SOX5: variants seen among roughly 807,000 people sequenced by gnomAD.
SOX5 encodes transcription factor SOX-5.
Under a neutral mutation model 92.0 loss-of-function variants are expected in SOX5, and 9 were observed. The observed-to-expected ratio is 0.10, with a 90% CI of 0.06 to 0.17. The LOEUF (loss-of-function observed/expected upper bound fraction) is 0.17, where lower values mean the gene tolerates loss of function less well. Ranked by LOEUF, SOX5 falls within the 10% of genes least tolerant of loss-of-function variation. The pLI is 1.00. For synonymous variants in SOX5, 344 were observed against 336.3 expected (o/e 1.02, Z -0.25); for missense variants, 642 against 944.5 (o/e 0.68, Z 4.20).
rs139916373 is a variant in SOX5, at chr12:23,622,468, T to C, written c.1018-17935A>G. ...TCTGATCCTACACTTCAATGGTTGG[T>C]TGATATCAGTATGTGAACTCCAAAC... is the stretch of plus-strand genomic sequence containing the variant. On this transcript the variant is annotated intron_variant, in intron 8 of 14. Coordinates refer to ENST00000451604, the MANE Select transcript of SOX5 (RefSeq NM_006940.6). Among the ~76,000 whole-genome samples, 1,422 of 152,254 alleles carry C rather than the reference T, an allele frequency of 9.3e-3. 16 individuals carry two copies. Among genetic ancestry groups the C allele is most frequent in the African/African-American group, 0.032 (1,340 of 41,554 alleles).
Position 24,413,082 on chromosome 12 carries a change from T to C in SOX5, c.-250-44443A>G, listed in dbSNP as rs181450141. On this transcript the variant is annotated intron_variant, in intron 1 of 4. Transcript: ENST00000446891. The stretch of plus-strand genomic sequence containing the variant: ...AGTTAGATTTTCTTGGTTACCAACG[T>C]TGAGGTTCCTCTATATCTTTGCTGA... 1.7e-4 allele frequency among the ~76,000 whole-genome samples: 26 copies of C among 152,364 alleles called. No homozygotes were observed. In the East Asian group the frequency reaches 5.0e-3, roughly 29 times the overall value.
intron 4 of SOX5, among the ~76,000 whole-genome samples, chr12:24,014,773 A>G (rs1953379357): frequency 6.6e-6 from 1 of 152,208 alleles, no homozygotes; most frequent in South Asian, 2.1e-4. Context: ...ATTATTTAGT[A>G]TGAAATTTTA....
chr12:24,123,454 T>A (rs1297073218), intron 4 of SOX5, among the ~76,000 whole-genome samples: 6 of 152,212 alleles, frequency 3.9e-5, no homozygotes, highest in Non-Finnish European at 7.3e-5. Context: ...CAGGAACATT[T>A]TTATAGAAAA....
At chr12:23,635,235 C>G (rs2079069750) in intron 8 of SOX5, among the ~76,000 whole-genome samples, 1 of 152,028 alleles carries the variant, frequency 6.6e-6, no homozygotes, top group Admixed American at 6.6e-5. Flanking sequence ...GGGGTTATTT[C>G]CTGGGGTTAT....
chr12:24,388,586 GTTTGT>G (rs1958661006), intron 1 of SOX5, among the ~76,000 whole-genome samples: 1 of 151,992 alleles, frequency 6.6e-6, no homozygotes, highest in Admixed American at 6.6e-5. Flanking sequence ...ATTCTCCTTG[GTTTGT>G]TTTCTTTAAA....
At chr12:23,604,250 G>A in intron 9 of SOX5, 137 bp downstream of exon 9, 1 of 761,234 alleles carries the variant, frequency 1.3e-6, no homozygotes, top group South Asian at 1.7e-5. Flanking sequence ...ATGCACACCT[G>A]TTGCCCTTAC....
chr12:24,298,561 C>T (rs1223036038), intron 2 of SOX5, among the ~76,000 whole-genome samples: 1 of 152,008 alleles, frequency 6.6e-6, no homozygotes, highest in African/African-American at 2.4e-5. Context: ...ATGTTATACT[C>T]AAATACTATA....
chr12:23,681,949 A>G (rs973873246), intron 6 of SOX5, among the ~76,000 whole-genome samples: 8 of 151,896 alleles, frequency 5.3e-5, no homozygotes, highest in Admixed American at 2.0e-4. Context: ...AAAAATTTAG[A>G]GAACTACAAG....
At chr12:23,744,994 T>C (rs975948221) in intron 4 of SOX5, among the ~76,000 whole-genome samples, 1 of 152,194 alleles carries the variant, frequency 6.6e-6, no homozygotes, top group Non-Finnish European at 1.5e-5. Context: ...CTTATAAAGA[T>C]ACCAGTCATC....
chr12:24,524,752 G>GGGTT, intron 1 of SOX5, among the ~76,000 whole-genome samples: 1 of 152,244 alleles, frequency 6.6e-6, no homozygotes, highest in East Asian at 1.9e-4. Context: ...ATAAAAAATA[G>GGGTT]TACATCATGC....
chr12:23,855,479 A>G (rs953006157), intron 2 of SOX5, among the ~76,000 whole-genome samples: 3 of 152,056 alleles, frequency 2.0e-5, no homozygotes, highest in Non-Finnish European at 4.4e-5. Flanking sequence ...TGAAAGTTTG[A>G]AAAAAATGAA....
chr12:23,649,578 C>T (rs2081296556), intron 7 of SOX5, among the ~76,000 whole-genome samples: 1 of 152,062 alleles, frequency 6.6e-6, no homozygotes, highest in Non-Finnish European at 1.5e-5. Context: ...TATTTCAAGA[C>T]CAAGCATGGA....
intron 3 of SOX5, among the ~76,000 whole-genome samples, chr12:23,764,626 C>T (rs1355971474): frequency 2.0e-5 from 3 of 152,074 alleles, no homozygotes; most frequent in Non-Finnish European, 4.4e-5. Context: ...AGTGAATTCA[C>T]ATAATCACTT....
intron 1 of SOX5, among the ~76,000 whole-genome samples, chr12:24,495,674 G>A (rs1256593200): frequency 1.3e-5 from 2 of 152,096 alleles, no homozygotes; most frequent in Non-Finnish European, 2.9e-5. Context: ...TAAAGAAAGC[G>A]TTTTAAGTTG....
chr12:24,160,936 T>G (rs1952691749), intron 4 of SOX5, among the ~76,000 whole-genome samples: 1 of 152,078 alleles, frequency 6.6e-6, no homozygotes, highest in South Asian at 2.1e-4. Flanking sequence ...AGCTTTAAAA[T>G]TAACAGAGTA....
intron 2 of SOX5, among the ~76,000 whole-genome samples, chr12:24,287,841 G>C (rs1946093052): frequency 6.6e-6 from 1 of 151,830 alleles, no homozygotes; most frequent in African/African-American, 2.4e-5. Context: ...ATTCTTACGA[G>C]ACCCCAAATC....
chr12:24,172,051 T>C (rs980384914), intron 4 of SOX5, among the ~76,000 whole-genome samples: 3 of 151,372 alleles, frequency 2.0e-5, no homozygotes, highest in Non-Finnish European at 4.4e-5. Context: ...TGAGGGATAA[T>C]GTACTATGGC....
chr12:23,582,365 G>A lies in SOX5; in HGVS notation c.1165-6527C>T, dbSNP rs527801114. ...TGTACCTGCTGAGCAGAACTTAAAG[G>A]AGAAAAGGTTTATATTTACGTGCAA... On this transcript the variant is annotated intron_variant, in intron 9 of 14. Transcript: ENST00000451604. 29 of 787,450 alleles carry A rather than the reference G, an allele frequency of 3.7e-5. No individual in the cohort carries two copies. In the African/African-American group the frequency reaches 5.4e-4, roughly 15 times the overall value. The allele number at this position is 787,450 out of a possible 1,614,324, so 48.8% of individuals were successfully genotyped here.
intron 1 of SOX5, among the ~76,000 whole-genome samples, chr12:24,548,864 G>A (rs1405709204): frequency 6.6e-6 from 1 of 152,024 alleles, no homozygotes; most frequent in Admixed American, 6.5e-5. Context: ...AAATTTTATT[G>A]TCCTGAGAAA....
Sources: allele counts gnomAD v4.1 joint callset (sites outside exome capture counted in the v4.1 genomes callset), GRCh38; gene constraint gnomAD v4.1.1; transcripts MANE v1.5; gene names NCBI Gene and HGNC (gene_info 2026-07-23, HGNC 2026-07-21).